The following SLC2A13 variants were observed in gnomAD, a reference collection of about 807,000 sequenced individuals.
SLC2A13 encodes the protein proton myo-inositol cotransporter.
Under a neutral mutation model 64.4 loss-of-function variants are expected in SLC2A13, and 32 were observed. The ratio of observed to expected loss-of-function variants is 0.50; its 90% CI spans 0.37 to 0.67. SLC2A13 has a LOEUF of 0.67. Ranked by LOEUF, SLC2A13 falls within the 30% of genes least tolerant of loss-of-function variation. SLC2A13 has a pLI of 0.00. For missense variants in SLC2A13, 743 were observed against 829.2 expected (o/e 0.90, Z 1.28); for synonymous variants, 338 against 327.1 (o/e 1.03, Z -0.36).
intron 4 of SLC2A13, among the ~76,000 whole-genome samples, chr12:39,948,612 T>C (rs1476077199): frequency 2.0e-5 from 3 of 152,144 alleles, no homozygotes; most frequent in South Asian, 2.1e-4. Flanking sequence ...TGGTGAGAAA[T>C]AGAATTCAAA....
At chr12:39,928,814 G>C (rs1281554083) in intron 4 of SLC2A13, among the ~76,000 whole-genome samples, 1 of 152,198 alleles carries the variant, frequency 6.6e-6, no homozygotes, top group Non-Finnish European at 1.5e-5. Flanking sequence ...TCACAACAAA[G>C]TAAAGCCAGC....
chr12:39,978,097 G>A (rs1946797387), intron 3 of SLC2A13, among the ~76,000 whole-genome samples: 2 of 152,212 alleles, frequency 1.3e-5, no homozygotes, highest in South Asian at 4.1e-4. Context: ...ATAGAAGTAA[G>A]CCTTCAATAC....
intron 1 of SLC2A13, among the ~76,000 whole-genome samples, chr12:40,093,773 GA>G (rs1938843748): frequency 6.6e-6 from 1 of 152,138 alleles, no homozygotes. Flanking sequence ...GCTGGAAAAG[GA>G]GGGAAGGAAA....
At chr12:39,764,646 T>C (rs1340218978) in intron 8 of SLC2A13, 34 bp from the exon 9 acceptor site, 7 of 1,581,386 alleles carry the variant, frequency 4.4e-6, no homozygotes, top group Non-Finnish European at 6.0e-6. Flanking sequence ...TTTAGTAAAA[T>C]AGCATGTAAG....
chr12:40,060,080 G>GATGGATGGATGGATGC (rs1355229696), intron 1 of SLC2A13, among the ~76,000 whole-genome samples: 1 of 151,890 alleles, frequency 6.6e-6, no homozygotes, highest in African/African-American at 2.4e-5. Flanking sequence ...TTAATGGACG[G>GATGGATGGATGGATGC]ATGGATGGAT....
At chr12:39,827,549 A>T (rs1942730303) in intron 7 of SLC2A13, among the ~76,000 whole-genome samples, 2 of 151,886 alleles carry the variant, frequency 1.3e-5, no homozygotes, top group Admixed American at 6.6e-5. Flanking sequence ...ACGCTTGGGG[A>T]TTTCTTTCAA....
At chr12:40,036,297 C>G (rs1221266192) in intron 2 of SLC2A13, among the ~76,000 whole-genome samples, 1 of 152,120 alleles carries the variant, frequency 6.6e-6, no homozygotes, top group Non-Finnish European at 1.5e-5. Context: ...GAGAAATCCA[C>G]CATAAGGCTG....
chr12:40,074,038 G>A (rs547454841), intron 1 of SLC2A13, among the ~76,000 whole-genome samples: 7 of 151,856 alleles, frequency 4.6e-5, no homozygotes, highest in East Asian at 1.9e-4. Context: ...CTGATATTCC[G>A]TTATGGTTTG....
intron 2 of SLC2A13, among the ~76,000 whole-genome samples, chr12:40,030,880 G>A (rs938674822): frequency 1.8e-4 from 28 of 152,118 alleles, no homozygotes; most frequent in African/African-American, 6.0e-4. Flanking sequence ...GTCTGGGTCC[G>A]AAATGTACAA....
chr12:39,971,997 A>ATATATATATATATATATAT lies in SLC2A13; in HGVS notation c.926-20633_926-20632insATATATATATATATATATA, dbSNP rs1555144633. Among the ~76,000 whole-genome samples the ATATATATATATATATATAT allele has an allele frequency of 4.3e-4, 33 of 77,334 alleles. 1 individual carries two copies. Among genetic ancestry groups the ATATATATATATATATATAT allele is most frequent in the South Asian group, 8.0e-4 (2 of 2,502 alleles). 50.7% of individuals were successfully genotyped at this position (77,334 alleles called of 152,430 possible). ...GAGTGTCTCCAGAAAAAAAAAAAAA[A>ATATATATATATATATATAT]ATATATATATATATATATTTTTTTT... On this transcript the variant is annotated intron_variant, in intron 3 of 9. Transcript: ENST00000280871.
intron 4 of SLC2A13, among the ~76,000 whole-genome samples, chr12:39,892,216 C>T (rs531670301): frequency 6.6e-6 from 1 of 152,342 alleles, no homozygotes; most frequent in East Asian, 1.9e-4. Flanking sequence ...ATTAATAAGG[C>T]TGCCTCTTAC....
intron 9 of SLC2A13, among the ~76,000 whole-genome samples, chr12:39,761,040 G>T (rs1276672055): frequency 6.9e-6 from 1 of 145,468 alleles, no homozygotes; most frequent in Non-Finnish European, 1.5e-5. Flanking sequence ...AAACAACAAA[G>T]TAAAATGGAG....
At chr12:39,859,768 C>T (rs953352321) in intron 6 of SLC2A13, among the ~76,000 whole-genome samples, 1 of 152,042 alleles carries the variant, frequency 6.6e-6, no homozygotes, top group Non-Finnish European at 1.5e-5. Flanking sequence ...CTTGGTGATC[C>T]GCCTGACTTG....
At chr12:39,787,447 C>G (rs1304480829) in intron 7 of SLC2A13, among the ~76,000 whole-genome samples, 1 of 152,148 alleles carries the variant, frequency 6.6e-6, no homozygotes, top group Admixed American at 6.5e-5. Flanking sequence ...GATGTGTTCT[C>G]TAAAGCAGAG....
chr12:40,048,289 C>T, intron 1 of SLC2A13, 79 bp from the exon 2 acceptor site: 2 of 1,356,286 alleles, frequency 1.5e-6, no homozygotes, highest in Admixed American at 2.4e-5. Flanking sequence ...TAGATTTAGG[C>T]ATACACTTAC....
intron 1 of SLC2A13, among the ~76,000 whole-genome samples, chr12:40,088,319 T>C (rs973698908): frequency 1.3e-5 from 2 of 152,224 alleles, no homozygotes; most frequent in African/African-American, 2.4e-5. Context: ...GACCACTTTA[T>C]TTTAACTGCT....
chr12:39,760,012 T>C lies in SLC2A13; in HGVS notation c.*14A>G, dbSNP rs1475918311. 2 of 1,598,464 alleles carry C rather than the reference T, an allele frequency of 1.3e-6. No individual in the cohort carries two copies. The highest frequency in any genetic ancestry group is 2.7e-5 in the African/African-American group (2 of 74,614). On this transcript the variant is annotated 3_prime_UTR_variant, in exon 10 of 10. Coordinates refer to ENST00000280871, the MANE Select transcript of SLC2A13 (RefSeq NM_052885.4). ...CAGTTTGTTTAAATAACTAAATATA[T>C]GAGCAGCTGAAAATTATTCCACATC...
At chr12:39,801,908 G>T (rs1941805296) in intron 7 of SLC2A13, among the ~76,000 whole-genome samples, 1 of 152,142 alleles carries the variant, frequency 6.6e-6, no homozygotes, top group African/African-American at 2.4e-5. Flanking sequence ...TATTGAACCA[G>T]GCACCATTCT....
intron 7 of SLC2A13, among the ~76,000 whole-genome samples, chr12:39,795,395 C>A (rs1216859440): frequency 6.6e-6 from 1 of 152,020 alleles, no homozygotes; most frequent in Non-Finnish European, 1.5e-5. Flanking sequence ...TGCTTATTGT[C>A]TGCTCATATT....
Sources: gnomAD v4.1 joint callset for allele counts (sites outside exome capture counted in the v4.1 genomes callset) on GRCh38, gnomAD v4.1.1 for gene constraint, MANE v1.5 for transcripts, NCBI Gene and HGNC (gene_info 2026-07-23, HGNC 2026-07-21) for gene names.